The following MYLK variants were observed in gnomAD, a reference collection of about 807,000 sequenced individuals.
MYLK encodes the protein myosin light chain kinase, also known as myosin light chain kinase, smooth muscle.
Under a neutral mutation model 203.4 loss-of-function variants are expected in MYLK, and 106 were observed. The observed-to-expected ratio is 0.52, with a 90% CI of 0.45 to 0.61. The LOEUF (loss-of-function observed/expected upper bound fraction) is 0.61. Ranked by LOEUF, MYLK falls within the 20% of genes least tolerant of loss-of-function variation. The pLI, the probability that MYLK is intolerant of heterozygous loss-of-function variation, is 0.00. For synonymous variants in MYLK, 867 were observed against 959.5 expected, an observed-to-expected ratio of 0.90 and a Z score of 1.78; for missense variants, 2,072 against 2,442.3, an observed-to-expected ratio of 0.85 and a Z score of 3.20.
At chr3:123,751,266 G>A (rs935108284) in intron 5 of MYLK, among the ~76,000 whole-genome samples, 2 of 152,190 alleles carry the variant, frequency 1.3e-5, no homozygotes, top group Admixed American at 6.5e-5. Context: ...CTGAACTAGA[G>A]ATACTCTTTC....
At chr3:123,705,355 G>A (rs1422784450) in intron 16 of MYLK, among the ~76,000 whole-genome samples, 1 of 152,218 alleles carries the variant, frequency 6.6e-6, no homozygotes, top group Non-Finnish European at 1.5e-5. Flanking sequence ...AAGAAAAAGA[G>A]GCAAAGGCTG....
chr3:123,667,393 G>A (rs1436345554), intron 20 of MYLK, among the ~76,000 whole-genome samples: 1 of 152,042 alleles, frequency 6.6e-6, no homozygotes, highest in African/African-American at 2.4e-5. Context: ...CTAGAGGTCA[G>A]GAGTTTGAGA....
rs1281226441 is a variant in MYLK, at chr3:123,682,281, G to A, written c.3595C>T (p.Pro1199Ser). The A allele has an allele frequency of 6.2e-7, 1 of 1,603,792 alleles. No individual in the cohort carries two copies. The highest frequency in any genetic ancestry group is 8.5e-7 in the Non-Finnish European group (1 of 1,175,432). Reference sequence around the variant, plus strand: ...TTGGGCCTCCGGGATTTCATCTCTGGGGCCTTGGTGTTCTCACTGGCTGGA... The same window carrying A: ...TTGGGCCTCCGGGATTTCATCTCTGAGGCCTTGGTGTTCTCACTGGCTGGA... ...DAPASENTKA[P>S]EMKSRRPKSS... is the part of the protein sequence containing the mutation. Residue 1199 changes from proline (P) to serine (S), a missense_variant, in exon 20 of 34, where the codon CCA (proline) becomes TCA (serine). Coordinates refer to ENST00000360304, the MANE Select transcript of MYLK (RefSeq NM_053025.4).
intron 16 of MYLK, among the ~76,000 whole-genome samples, chr3:123,704,771 T>C (rs74861431): frequency 7.9e-6 from 1 of 126,194 alleles, no homozygotes; most frequent in Non-Finnish European, 1.6e-5. Context: ...AAAAAAAAAA[T>C]TAGCCGGGCG....
At chr3:123,793,329 A>G (rs2064856216) in intron 4 of MYLK, among the ~76,000 whole-genome samples, 1 of 152,242 alleles carries the variant, frequency 6.6e-6, no homozygotes, top group Non-Finnish European at 1.5e-5. Flanking sequence ...TCAACTGTCC[A>G]GATTTGAGGA....
At chr3:123,791,576 C>G (rs952907632) in intron 4 of MYLK, among the ~76,000 whole-genome samples, 2 of 152,234 alleles carry the variant, frequency 1.3e-5, no homozygotes, top group Non-Finnish European at 2.9e-5. Flanking sequence ...AATAGTCTTT[C>G]TTCTGTATAC....
intron 3 of MYLK, among the ~76,000 whole-genome samples, chr3:123,810,992 CAT>C (rs1451576915): frequency 2.0e-5 from 3 of 152,222 alleles, no homozygotes; most frequent in African/African-American, 7.2e-5. Context: ...GAGGCTAACA[CAT>C]GTTTCTCCTT....
chr3:123,700,357 T>C lies in MYLK; in HGVS notation c.3111A>G (p.Pro1037=), dbSNP rs1418057902. 6.2e-7 allele frequency: 1 copy of C among 1,613,294 alleles called. No individual in the cohort carries two copies. The highest frequency in any genetic ancestry group is 1.3e-5 in the African/African-American group (1 of 74,622). The change falls in exon 18 of 34, where the codon CCA becomes CCG. Residue 1037 remains proline (P), a synonymous_variant. Coordinates refer to ENST00000360304, the MANE Select transcript of MYLK (RefSeq NM_053025.4). ...GNAKPAETLK[P]MGNAKPAETL... is the part of the protein sequence containing the mutation. Reference sequence around the variant, plus strand: ...TCTCGGCAGGCTTGGCGTTGCCCATTGGCTTCAGGGTCTCAGCAGGCTTGG... The same window carrying C: ...TCTCGGCAGGCTTGGCGTTGCCCATCGGCTTCAGGGTCTCAGCAGGCTTGG...
intron 23 of MYLK, among the ~76,000 whole-genome samples, chr3:123,663,400 C>G (rs913633676): frequency 1.3e-5 from 2 of 151,352 alleles, no homozygotes; most frequent in Admixed American, 6.6e-5. Context: ...ACTAATGGGG[C>G]GTGGGGGTGA....
intron 31 of MYLK, chr3:123,624,306 C>G (rs1185177386): frequency 6.8e-6 from 1 of 146,946 alleles, no homozygotes; most frequent in African/African-American, 2.6e-5. Flanking sequence ...GCCTGGGTGA[C>G]AGCATGAGAC....
At chr3:123,852,757 A>C (rs1028762193) in intron 2 of MYLK, among the ~76,000 whole-genome samples, 2 of 152,154 alleles carry the variant, frequency 1.3e-5, no homozygotes, top group African/African-American at 4.8e-5. Flanking sequence ...CAGAATTTCG[A>C]AAGTGTCATT....
At chr3:123,660,786 C>A (rs987164393) in intron 23 of MYLK, among the ~76,000 whole-genome samples, 2 of 152,170 alleles carry the variant, frequency 1.3e-5, no homozygotes, top group African/African-American at 4.8e-5. Flanking sequence ...CCGGAGCAGA[C>A]CAAGTGATTC....
intron 20 of MYLK, among the ~76,000 whole-genome samples, chr3:123,680,347 T>A (rs2060220567): frequency 6.6e-6 from 1 of 152,142 alleles, no homozygotes; most frequent in African/African-American, 2.4e-5. Flanking sequence ...ACCTGCCCTG[T>A]AGCTTCTGCA....
At position 123,618,909 on chromosome 3, in the gene MYLK, C is replaced by G. The variant is rs919314166; in HGVS notation, c.5369-139G>C. The G allele has an allele frequency of 2.6e-5, 30 of 1,158,676 alleles. No individual in the cohort carries two copies. The Admixed American group carries it at 3.3e-4, about 13-fold the overall frequency. 71.8% of individuals were successfully genotyped at this position (1,158,676 alleles called of 1,614,324 possible). ...CTTTGAGAACTGAATCATAAGCACG[C>G]CTTTCTCCTGGGGACAGGTTGGCCT... On this transcript the variant is annotated intron_variant, in intron 32 of 33. Coordinates refer to ENST00000360304, the MANE Select transcript of MYLK (RefSeq NM_053025.4).
At chr3:123,667,240 A>G in intron 20 of MYLK, 53 bp from the exon 21 acceptor site, 1 of 1,561,080 alleles carries the variant, frequency 6.4e-7, no homozygotes, top group Non-Finnish European at 8.8e-7. Flanking sequence ...TTTTTCACAA[A>G]GCTCCTGATC....
chr3:123,730,590 C>T (rs745549826), intron 11 of MYLK, among the ~76,000 whole-genome samples: 16 of 152,220 alleles, frequency 1.1e-4, no homozygotes, highest in Middle Eastern at 3.2e-3. Flanking sequence ...GAATGAAGTA[C>T]TAACACCTGC....
intron 29 of MYLK, 27 bp downstream of exon 29, chr3:123,638,044 C>T (rs754068794): frequency 1.2e-6 from 2 of 1,613,072 alleles, no homozygotes; most frequent in Admixed American, 3.3e-5. Flanking sequence ...AGTGGTCCAC[C>T]AGTCCACCAA....
At chr3:123,851,393 A>G (rs1022139680) in intron 2 of MYLK, among the ~76,000 whole-genome samples, 5 of 152,138 alleles carry the variant, frequency 3.3e-5, no homozygotes, top group African/African-American at 1.2e-4. Context: ...AGGTCCTTCC[A>G]TTTGTTTGTG....
chr3:123,709,915 G>A (rs1481813886), intron 13 of MYLK, 22 bp from the exon 14 acceptor site: 54 of 1,613,482 alleles, frequency 3.3e-5, no homozygotes, highest in Middle Eastern at 1.7e-4. Context: ...AAAACAGAAC[G>A]TGGGGTGAAC....
Sources: gnomAD v4.1 joint callset for allele counts (sites outside exome capture counted in the v4.1 genomes callset) on GRCh38, gnomAD v4.1.1 for gene constraint, MANE v1.5 for transcripts, NCBI Gene and HGNC (gene_info 2026-07-23, HGNC 2026-07-21) for gene names.